The following RNASEH1 variants were observed in gnomAD, a reference collection of about 807,000 sequenced individuals.
RNASEH1 encodes ribonuclease H type II.
Under a neutral mutation model 34.6 loss-of-function variants are expected in RNASEH1, and 27 were observed. The observed-to-expected ratio is 0.78, with a 90% CI of 0.58 to 1.08. RNASEH1 has a LOEUF of 1.08. Among genes scored for constraint, RNASEH1 ranks in the 50% least tolerant of loss-of-function variants. The probability of loss-of-function intolerance (pLI) is 0.00; values close to 1 mark genes in which losing one functional copy is unlikely to be tolerated. For synonymous variants in RNASEH1, 162 were observed against 138.4 expected (o/e 1.17, Z -1.20); for missense variants, 349 against 373.6 (o/e 0.93, Z 0.54).
the RNASEH1 span, chr2:3,533,000 G>A: frequency 5.3e-5 from 8 of 152,310 alleles, no homozygotes; most frequent in East Asian, 5.8e-4. Context: ...GAAGCCGATC[G>A]TGCTGCCTCA....
intron 3 of RNASEH1, among the ~76,000 whole-genome samples, chr2:3,551,599 A>G (rs900836948): frequency 6.6e-6 from 1 of 152,254 alleles, no homozygotes; most frequent in Non-Finnish European, 1.5e-5. Context: ...ATACTGATTT[A>G]TATTTTTTAA....
chr2:3,553,366 T>C lies in RNASEH1; in HGVS notation c.245-1058A>G, dbSNP rs118067999. Among the ~76,000 whole-genome samples the C allele has an allele frequency of 1.3e-3, 199 of 152,240 alleles. 3 individuals carry two copies. The East Asian group carries it at 0.031, about 24-fold the overall frequency. On this transcript the variant is annotated intron_variant, in intron 2 of 7. Coordinates refer to ENST00000315212, the MANE Select transcript of RNASEH1 (RefSeq NM_002936.6). The stretch of plus-strand genomic sequence containing the variant: ...TTTTTCTTCTGCAACGAAGTTTTTC[T>C]TCAGGGGGACCTCAAGGTTAATCCC...
chr2:3,552,205 C>T lies in RNASEH1; in HGVS notation c.348G>A (p.Lys116=), dbSNP rs371167787. ...CCGGCTCCACGCTCGGCTTCATGTG[C>T]TTTGCATACGGCTCTGCGCTTTCAT... is the stretch of plus-strand genomic sequence containing the variant. ...DGHESAEPYA[K]HMKPSVEPAP... Residue 116 remains lysine, a synonymous_variant, in exon 3 of 8, where the codon AAG becomes AAA. Transcript: ENST00000315212. 47 of 1,613,062 alleles carry T rather than the reference C, an allele frequency of 2.9e-5. No individual in the cohort carries two copies. The African/African-American group carries it at 3.5e-4, about 12-fold the overall frequency.
chr2:3,550,140 C>CT lies in RNASEH1; in HGVS notation c.509+232dup, dbSNP rs1230107161. The CT allele has an allele frequency of 6.8e-3, 2,506 of 370,384 alleles. 131 individuals are homozygous for CT. In the African/African-American group the frequency reaches 0.094, roughly 14 times the overall value. 22.9% of individuals were successfully genotyped at this position (370,384 alleles called of 1,614,324 possible). ...CCTGGGCAACAGTGTGAGACCGTGT[C>CT]TTAAAAAAAAAAAAAAAAAAAAAAA... On this transcript the variant is annotated intron_variant, in intron 4 of 7. Transcript: ENST00000315212.
the RNASEH1 span, among the ~76,000 whole-genome samples, chr2:3,536,188 T>C: frequency 3.3e-5 from 5 of 152,252 alleles, no homozygotes; most frequent in African/African-American, 7.2e-5. Context: ...ACTAATTTCA[T>C]TGCACTCACA....
intron 5 of RNASEH1, 57 bp from the exon 6 acceptor site, chr2:3,548,781 A>C: frequency 8.1e-7 from 1 of 1,241,432 alleles, no homozygotes; most frequent in Non-Finnish European, 1.2e-6. Context: ...TGACATTACT[A>C]AAGTTCAAAA....
chr2:3,540,410 C>T (rs930054339), downstream of RNASEH1, among the ~76,000 whole-genome samples: 1 of 151,932 alleles, frequency 6.6e-6, no homozygotes, highest in African/African-American at 2.4e-5. Context: ...ACTGACATCA[C>T]TTTTGTTTTT....
intron 4 of RNASEH1, chr2:3,550,108 A>G (rs1669141674): frequency 4.9e-6 from 2 of 408,100 alleles, no homozygotes; most frequent in Admixed American, 7.7e-5. Flanking sequence ...GTGCCACTGT[A>G]CTCCATCCTG....
At chr2:3,548,967 T>C in intron 5 of RNASEH1, 91 bp downstream of exon 5, 6 of 1,056,668 alleles carry the variant, frequency 5.7e-6, no homozygotes, top group African/African-American at 1.6e-5. Flanking sequence ...ATATCTTATA[T>C]GTATAGGTAG....
downstream of RNASEH1, among the ~76,000 whole-genome samples, chr2:3,539,701 G>A (rs1286411983): frequency 6.6e-6 from 1 of 152,074 alleles, no homozygotes; most frequent in African/African-American, 2.4e-5. Flanking sequence ...AGCTCATCAC[G>A]TTATTAAAAA....
chr2:3,539,304 G>A (rs999383901), downstream of RNASEH1, among the ~76,000 whole-genome samples: 3 of 152,124 alleles, frequency 2.0e-5, no homozygotes, highest in Admixed American at 1.3e-4. Flanking sequence ...CAGAGACAGC[G>A]GTCCACTTGC....
chr2:3,542,840 A>G lies in RNASEH1; in HGVS notation c.*2945T>C, dbSNP rs937213436. 2.6e-5 allele frequency among the ~76,000 whole-genome samples: 4 copies of G among 152,220 alleles called. No homozygotes were observed. The highest frequency in any genetic ancestry group is 9.7e-5 in the African/African-American group (4 of 41,446). On this transcript the variant is annotated 3_prime_UTR_variant, in exon 8 of 8. Coordinates refer to ENST00000315212, the MANE Select transcript of RNASEH1 (RefSeq NM_002936.6). Reference sequence around the variant, plus strand: ...GAATTTGTATTGGGAATATCAATATAGGCTCAGAAAATATTCTTCCTTTAA... The same window carrying G: ...GAATTTGTATTGGGAATATCAATATGGGCTCAGAAAATATTCTTCCTTTAA...
In RNASEH1 at chr2:3,542,382, A is replaced by T. The variant is rs1046991722; in HGVS notation, c.*3403T>A. On this transcript the variant is annotated 3_prime_UTR_variant, in exon 8 of 8. Coordinates refer to ENST00000315212, the MANE Select transcript of RNASEH1 (RefSeq NM_002936.6). ...ATGACTGTCAGGGGAAGAAAACAAG[A>T]TTCATCAGGCTTTTCATGCATCACT... 6.6e-6 allele frequency among the ~76,000 whole-genome samples: 1 copy of T among 152,244 alleles called. No homozygotes were observed. Among genetic ancestry groups the T allele is most frequent in the Non-Finnish European group, 1.5e-5 (1 of 68,042 alleles).
intron 4 of RNASEH1, chr2:3,550,142 TAA>T (rs1162099553): frequency 0.11 from 26,427 of 233,222 alleles, no homozygotes; most frequent in South Asian, 0.15. Flanking sequence ...GACCGTGTCT[TAA>T]AAAAAAAAAA....
rs1325927737 is a variant in RNASEH1 at position 3,544,505 on chromosome 2, A to G, written c.*1280T>C. On this transcript the variant is annotated 3_prime_UTR_variant, in exon 8 of 8. Transcript: ENST00000315212. ...AGCAGACAAGACTAAACTGCCATCA[A>G]AAAACCAAGAAAGTCATTTCTGTAA... Among the ~76,000 whole-genome samples the G allele has an allele frequency of 6.6e-6, 1 of 152,202 alleles. No homozygotes were observed. Among genetic ancestry groups the G allele is most frequent in the Non-Finnish European group, 1.5e-5 (1 of 68,038 alleles).
chr2:3,557,186 T>C (rs1660598220), intron 1 of RNASEH1, among the ~76,000 whole-genome samples: 2 of 152,256 alleles, frequency 1.3e-5, no homozygotes, highest in African/African-American at 4.8e-5. Flanking sequence ...TGTCTTTTTA[T>C]GCGTATTTTA....
rs1025610548 is a variant in RNASEH1, at chr2:3,552,233, C to T, written c.320G>A (p.Gly107Glu). 7 of 1,613,872 alleles carry T rather than the reference C, an allele frequency of 4.3e-6. No individual in the cohort carries two copies. The highest frequency in any genetic ancestry group is 1.7e-4 in the Middle Eastern group (1 of 5,820). The stretch of plus-strand genomic sequence containing the variant: ...TGCATACGGCTCTGCGCTTTCATGT[C>T]CATCTCCATCCAGTGGCTCACGGAG... ...KRLREPLDGD[G>E]HESAEPYAKH... Residue 107 changes from glycine (G) to glutamate (E), a missense_variant, in exon 3 of 8, where the codon GGA (glycine) becomes GAA (glutamate). Around this residue, in one of 2 missense-constraint regions of RNASEH1, gnomAD observed 256 missense variants for 240.7 expected, o/e 1.06. Coordinates refer to ENST00000315212, the MANE Select transcript of RNASEH1 (RefSeq NM_002936.6).
the RNASEH1 span, chr2:3,533,960 G>C: frequency 1.3e-5 from 2 of 152,258 alleles, no homozygotes; most frequent in Admixed American, 6.5e-5. Flanking sequence ...CCAGTTCCAG[G>C]TTAAGTCCAC....
At chr2:3,547,906 G>A in intron 7 of RNASEH1, 25 bp downstream of exon 7, 1 of 1,611,414 alleles carries the variant, frequency 6.2e-7, no homozygotes, top group Non-Finnish European at 8.5e-7. Flanking sequence ...AATGGCCATA[G>A]GACATGAACA....
Sources: gnomAD v4.1 joint callset for allele counts (sites outside exome capture counted in the v4.1 genomes callset) on GRCh38, gnomAD v4.1.1 for gene constraint, gnomAD v4.1.1 regional missense constraint, MANE v1.5 for transcripts, NCBI Gene and HGNC (gene_info 2026-07-23, HGNC 2026-07-21) for gene names.